The following GINM1 variants were observed in gnomAD, a reference collection of about 807,000 sequenced individuals.
The protein encoded by GINM1 is glycoprotein integral membrane protein 1.
In GINM1, 29 loss-of-function variants were observed where a neutral mutation model predicts 37.8. The observed-to-expected ratio is 0.77, with a 90% confidence interval of 0.57 to 1.05. The LOEUF (loss-of-function observed/expected upper bound fraction) is 1.05. GINM1 is among the 50% of genes least tolerant of loss of function. GINM1 has a pLI of 0.00. For synonymous variants in GINM1, 143 were observed against 146.2 expected (o/e 0.98, Z 0.16); for missense variants, 377 against 397.9 (o/e 0.95, Z 0.45).
chr6:149,586,619 C>T (rs1323832955), intron 7 of GINM1, among the ~76,000 whole-genome samples: 1 of 152,210 alleles, frequency 6.6e-6, no homozygotes, highest in Non-Finnish European at 1.5e-5. Context: ...TTATATTATT[C>T]TGTGGTGCCT....
chr6:149,578,077 A>G (rs1562271743), intron 3 of GINM1: 2 of 152,290 alleles, frequency 1.3e-5, no homozygotes, highest in East Asian at 1.9e-4. Flanking sequence ...AAAAAACTCA[A>G]TGTTCTTACT....
intron 3 of GINM1, among the ~76,000 whole-genome samples, chr6:149,574,439 C>T (rs1160170787): frequency 6.6e-6 from 1 of 152,132 alleles, no homozygotes; most frequent in African/African-American, 2.4e-5. Flanking sequence ...GATTTAAATC[C>T]TCCTTCTTGT....
rs1001480051 is a variant in GINM1 at position 149,573,614 on chromosome 6, C to T, written c.277+1011C>T. Among the ~76,000 whole-genome samples, 3 of 151,964 alleles carry T rather than the reference C, an allele frequency of 2.0e-5. No individual in the cohort carries two copies. In the South Asian group the frequency reaches 6.2e-4, roughly 32 times the overall value. On this transcript the variant is annotated intron_variant, in intron 3 of 7. Coordinates refer to ENST00000367419, the MANE Select transcript of GINM1 (RefSeq NM_138785.5). ...TGTGCATAGAGGCGGGGCATGGCGGCTCTAGCACTTTGGGAGGCTGAGGCG... is the reference window on the plus strand; with the variant it reads ...TGTGCATAGAGGCGGGGCATGGCGGTTCTAGCACTTTGGGAGGCTGAGGCG...
Position 149,578,959 on chromosome 6 carries a change from A to G in GINM1, c.415A>G (p.Ile139Val). Residue 139 changes from isoleucine to valine, a missense_variant, in exon 4 of 8, where the codon ATT becomes GTT. Physicochemically the swap from Ile to Val is conservative, Grantham distance 29. Coordinates refer to ENST00000367419, the MANE Select transcript of GINM1 (RefSeq NM_138785.5). Reference protein sequence around the residue: ...LIVIQEEVVEIDGKQVQQKDV... With the variant: ...LIVIQEEVVEVDGKQVQQKDV... ...TGTCATTCAAGAAGAGGTAGTAGAG[A>G]TTGATGGAAAACAAGTAAGATAGTA... 1 of 1,587,532 alleles carries G rather than the reference A, an allele frequency of 6.3e-7. No individual in the cohort carries two copies. Among genetic ancestry groups the G allele is most frequent in the East Asian group, 2.2e-5 (1 of 44,568 alleles).
At chr6:149,586,251 G>A (rs1014318882) in intron 7 of GINM1, among the ~76,000 whole-genome samples, 2 of 152,206 alleles carry the variant, frequency 1.3e-5, no homozygotes, top group African/African-American at 4.8e-5. Flanking sequence ...GGCAAAGCAT[G>A]TGCAGAGATC....
At chr6:149,571,670 G>A (rs565246598) in intron 1 of GINM1, among the ~76,000 whole-genome samples, 2 of 152,126 alleles carry the variant, frequency 1.3e-5, no homozygotes, top group East Asian at 3.9e-4. Flanking sequence ...CAAGGTAGGG[G>A]TAATATTTTA....
intron 1 of GINM1, among the ~76,000 whole-genome samples, chr6:149,567,434 CG>C (rs1777739243): frequency 6.6e-6 from 1 of 152,080 alleles, no homozygotes; most frequent in Non-Finnish European, 1.5e-5. Context: ...GCGAAGGGCA[CG>C]GTAAGTGTCA....
intron 7 of GINM1, among the ~76,000 whole-genome samples, chr6:149,585,576 T>G (rs9285521): frequency 0.39 from 58,960 of 151,716 alleles, 12,395 homozygotes; most frequent in East Asian, 0.82. Context: ...AATATAAAGA[T>G]TTTTATTTTT....
rs1460769841 is a variant in GINM1 at position 149,590,777 on chromosome 6, A to G, written c.932A>G (p.Asn311Ser). 3 of 1,606,200 alleles carry G rather than the reference A, an allele frequency of 1.9e-6. No individual in the cohort carries two copies. The highest frequency in any genetic ancestry group is 2.7e-5 in the African/African-American group (2 of 74,750). Residue 311 changes from asparagine (N) to serine (S), a missense_variant, in exon 8 of 8, where the codon AAC (asparagine) becomes AGC (serine). Physicochemically the swap from Asn to Ser is conservative, Grantham distance 46 (BLOSUM62 1). Coordinates refer to ENST00000367419, the MANE Select transcript of GINM1 (RefSeq NM_138785.5). ...KVDVIPVTAI[N>S]LYPDGPEKRA... ...GACGTCATACCTGTGACAGCTATCAACTTATATCCAGATGGTCCAGAGAAA... is the reference window on the plus strand; with the variant it reads ...GACGTCATACCTGTGACAGCTATCAGCTTATATCCAGATGGTCCAGAGAAA...
chr6:149,590,836 T>A lies in GINM1; in HGVS notation c.991T>A (p.Ter331LysextTer25). The stretch of plus-strand genomic sequence containing the variant: ...AAACCTTGAAGATAAAACATGTATT[T>A]AAAACGCCATCTCATATCATGGACT... ...AENLEDKTCI* is the reference protein window; with the variant it reads ...AENLEDKTCIK Residue 331 changes from the stop codon to lysine (K), a stop_lost, in exon 8 of 8, where the codon TAA (stop) becomes AAA (lysine). Transcript: ENST00000367419. 6.9e-7 allele frequency: 1 copy of A among 1,451,772 alleles called. No homozygotes were observed. The highest frequency in any genetic ancestry group is 9.7e-7 in the Non-Finnish European group (1 of 1,035,274). 89.9% of individuals were successfully genotyped at this position (1,451,772 alleles called of 1,614,324 possible). A position where few individuals can be genotyped will look rare whatever the true frequency, so the allele number is the denominator to read the frequency against.
chr6:149,586,101 G>C (rs929271760), intron 7 of GINM1, among the ~76,000 whole-genome samples: 1 of 152,126 alleles, frequency 6.6e-6, no homozygotes, highest in Admixed American at 6.6e-5. Context: ...ACCTGGGCTG[G>C]TTACTTTATA....
intron 6 of GINM1, 167 bp from the exon 7 acceptor site, chr6:149,582,273 A>G (rs1250831234): frequency 3.1e-6 from 2 of 637,258 alleles, no homozygotes; most frequent in East Asian, 5.6e-5. Flanking sequence ...TAAAATCACC[A>G]TTTAAAATAT....
At position 149,566,610 on chromosome 6, in the gene GINM1, T is replaced by C; in HGVS notation, c.120+76T>C. On this transcript the variant is annotated intron_variant, in intron 1 of 7. Coordinates refer to ENST00000367419, the MANE Select transcript of GINM1 (RefSeq NM_138785.5). The surrounding 1 kb of genome is among the most constrained non-coding windows in gnomAD (Gnocchi z 4.4). ...AGGCCCGGGCTGTCCACAGTGACGC[T>C]TCCCACATCCCACCGGCGGGCAGGG... The C allele has an allele frequency of 1.5e-6, 2 of 1,374,618 alleles. No homozygotes were observed. The highest frequency in any genetic ancestry group is 1.6e-5 in the South Asian group (1 of 63,060). 85.2% of individuals were successfully genotyped at this position (1,374,618 alleles called of 1,614,324 possible).
intron 7 of GINM1, among the ~76,000 whole-genome samples, chr6:149,590,408 A>G (rs1217978344): frequency 6.6e-6 from 1 of 152,188 alleles, no homozygotes; most frequent in East Asian, 1.9e-4. Flanking sequence ...TTATTTAGAG[A>G]GAGGCTTAGG....
intron 7 of GINM1, among the ~76,000 whole-genome samples, chr6:149,586,863 C>A (rs1013261881): frequency 2.0e-5 from 3 of 151,012 alleles, no homozygotes; most frequent in African/African-American, 7.4e-5. Context: ...GTGATCCTCT[C>A]ACCTCAATCT....
At position 149,591,060 on chromosome 6, in the gene GINM1, C is replaced by T; in HGVS notation, c.*222C>T. 3 of 428,636 alleles carry T rather than the reference C, an allele frequency of 7.0e-6. No individual in the cohort carries two copies. The highest frequency in any genetic ancestry group is 3.2e-5 in the South Asian group (1 of 31,494). 26.6% of individuals were successfully genotyped at this position (428,636 alleles called of 1,614,324 possible). ...CTGTAATCCCAGGACTTTGGGAGGC[C>T]AATGCGGGCGGATCACGAGGTCAGA... On this transcript the variant is annotated 3_prime_UTR_variant, in exon 8 of 8. Transcript: ENST00000367419.
At position 149,566,837 on chromosome 6, in the gene GINM1, C is replaced by G. The variant is rs1777726780; in HGVS notation, c.120+303C>G. Among the ~76,000 whole-genome samples, 1 of 152,224 alleles carries G rather than the reference C, an allele frequency of 6.6e-6. No homozygotes were observed. Among genetic ancestry groups the G allele is most frequent in the African/African-American group, 2.4e-5 (1 of 41,468 alleles). On this transcript the variant is annotated intron_variant, in intron 1 of 7. Coordinates refer to ENST00000367419, the MANE Select transcript of GINM1 (RefSeq NM_138785.5). The surrounding 1 kb of genome is among the most constrained non-coding windows in gnomAD (Gnocchi z 4.4). ...CTTTGCCGTCGAAGCGCGCGGTTGC[C>G]GGTGATCAGGCCTTCGTAATGGCGC...
intron 7 of GINM1, among the ~76,000 whole-genome samples, chr6:149,589,462 A>G (rs1208686617): frequency 1.4e-5 from 2 of 147,904 alleles, no homozygotes; most frequent in Non-Finnish European, 3.0e-5. Context: ...TAGTAGAGAC[A>G]GGGTTTCACC....
chr6:149,572,110 A>G (rs984936145), intron 1 of GINM1, among the ~76,000 whole-genome samples, 175 bp from the exon 2 acceptor site: 1 of 147,218 alleles, frequency 6.8e-6, no homozygotes, highest in African/African-American at 2.5e-5. Flanking sequence ...AATAATTGGA[A>G]TTGTAAATAA....
Sources: allele counts gnomAD v4.1 joint callset (sites outside exome capture counted in the v4.1 genomes callset), GRCh38; gene constraint gnomAD v4.1.1; non-coding constraint Gnocchi (gnomAD v3.1); transcripts MANE v1.5; gene names NCBI Gene and HGNC (gene_info 2026-07-23, HGNC 2026-07-21).